DCDC2: variants seen among roughly 807,000 people sequenced by gnomAD.
DCDC2 encodes doublecortin domain containing 2, also known as doublecortin domain-containing protein 2.
A neutral mutation model predicts 50.2 loss-of-function variants in DCDC2; 40 were observed. The observed-to-expected ratio is 0.80, with a 90% CI of 0.62 to 1.04. The LOEUF (loss-of-function observed/expected upper bound fraction) is 1.04, where lower values mean the gene tolerates loss of function less well. Among genes scored for constraint, DCDC2 ranks in the 50% least tolerant of loss-of-function variants. The probability of loss-of-function intolerance (pLI) is 0.00; values close to 1 mark genes in which losing one functional copy is unlikely to be tolerated. For synonymous variants in DCDC2, 234 were observed against 210.6 expected, an observed-to-expected ratio of 1.11 and a Z score of -0.96; for missense variants, 570 against 581.9, an observed-to-expected ratio of 0.98 and a Z score of 0.21.
chr6:24,189,648 A>T (rs1178504773), intron 8 of DCDC2, among the ~76,000 whole-genome samples: 1 of 152,154 alleles, frequency 6.6e-6, no homozygotes, highest in Non-Finnish European at 1.5e-5. Context: ...AACAGCACAA[A>T]TTAGAATTTT....
At chr6:24,177,999 T>C (rs376372540) in intron 9 of DCDC2, among the ~76,000 whole-genome samples, 1 of 152,218 alleles carries the variant, frequency 6.6e-6, no homozygotes, top group African/African-American at 2.4e-5. Context: ...TTATTCTTAC[T>C]TTTTTATATT....
intron 8 of DCDC2, among the ~76,000 whole-genome samples, chr6:24,198,137 A>G (rs1430891480): frequency 1.3e-5 from 2 of 152,190 alleles, no homozygotes; most frequent in Non-Finnish European, 2.9e-5. Flanking sequence ...TTTATGAAAA[A>G]CAAATTCCAA....
At chr6:24,217,533 T>C (rs1255604273) in intron 7 of DCDC2, among the ~76,000 whole-genome samples, 6 of 152,178 alleles carry the variant, frequency 3.9e-5, no homozygotes, top group Admixed American at 2.6e-4. Context: ...GTTTACGGTG[T>C]AAATGTGCAA....
At position 24,172,335 on chromosome 6, in the gene DCDC2, G is replaced by A. The variant is rs1269613658; in HGVS notation, c.*2395C>T. On this transcript the variant is annotated 3_prime_UTR_variant, in exon 10 of 10. Transcript: ENST00000378454. ...CAAGTGGTAAAATATGCACACACAAGGGATGAATATGTCCCCATTTTTAAG... is the reference window on the plus strand; with the variant it reads ...CAAGTGGTAAAATATGCACACACAAAGGATGAATATGTCCCCATTTTTAAG... The A allele has an allele frequency of 6.6e-6, 1 of 152,180 alleles. No homozygotes were observed. The highest frequency in any genetic ancestry group is 1.5e-5 in the Non-Finnish European group (1 of 68,040). 9.4% of individuals were successfully genotyped at this position (152,180 alleles called of 1,614,324 possible). A position where few individuals can be genotyped will look rare whatever the true frequency, so the allele number is the denominator to read the frequency against.
intron 7 of DCDC2, among the ~76,000 whole-genome samples, chr6:24,257,405 C>T (rs911552951): frequency 6.6e-6 from 1 of 152,104 alleles, no homozygotes; most frequent in Non-Finnish European, 1.5e-5. Flanking sequence ...AAAGAGTTCA[C>T]GCACCAGTGG....
intron 7 of DCDC2, among the ~76,000 whole-genome samples, chr6:24,272,719 T>C (rs1405183645): frequency 6.6e-6 from 1 of 152,034 alleles, no homozygotes; most frequent in African/African-American, 2.4e-5. Flanking sequence ...AAACAACAGA[T>C]GTTAGCAAGG....
intron 8 of DCDC2, among the ~76,000 whole-genome samples, chr6:24,181,763 A>G (rs928560043): frequency 6.6e-6 from 1 of 152,226 alleles, no homozygotes; most frequent in Non-Finnish European, 1.5e-5. Context: ...ATCCAAAGTG[A>G]TCTACAGATT....
At chr6:24,183,391 G>T (rs985219663) in intron 8 of DCDC2, among the ~76,000 whole-genome samples, 1 of 152,226 alleles carries the variant, frequency 6.6e-6, no homozygotes, top group Non-Finnish European at 1.5e-5. Context: ...GAAGAGCAAG[G>T]ATTTCTAGGG....
intron 2 of DCDC2, among the ~76,000 whole-genome samples, chr6:24,330,710 C>A (rs559157476): frequency 6.6e-6 from 1 of 152,158 alleles, no homozygotes; most frequent in Non-Finnish European, 1.5e-5. Context: ...AAAGAGTGGG[C>A]AGCCATAGCA....
At chr6:24,209,482 G>A (rs972289119) in intron 7 of DCDC2, among the ~76,000 whole-genome samples, 3 of 152,142 alleles carry the variant, frequency 2.0e-5, no homozygotes, top group Non-Finnish European at 4.4e-5. Flanking sequence ...TGTCACTTGG[G>A]ATTTTCATAA....
intron 7 of DCDC2, among the ~76,000 whole-genome samples, chr6:24,235,566 GATAAA>G (rs1346341355): frequency 7.9e-5 from 12 of 152,178 alleles, no homozygotes; most frequent in Non-Finnish European, 1.0e-4. Context: ...CATCTCAATA[GATAAA>G]ATAAAAGCTT....
chr6:24,207,256 T>TTCTCTTTCTCTCTCTC (rs1554145068), intron 7 of DCDC2, among the ~76,000 whole-genome samples: 2 of 129,606 alleles, frequency 1.5e-5, no homozygotes, highest in East Asian at 2.3e-4. Context: ...CCATCTATCT[T>TTCTCTTTCTCTCTCTC]TCTCTCTCTC....
At chr6:24,202,031 T>C (rs764640025) in intron 8 of DCDC2, among the ~76,000 whole-genome samples, 5 of 151,872 alleles carry the variant, frequency 3.3e-5, no homozygotes, top group Non-Finnish European at 7.4e-5. Flanking sequence ...ACCAGGCAGA[T>C]TCACAGCTGA....
At chr6:24,271,865 C>T (rs1487223535) in intron 7 of DCDC2, among the ~76,000 whole-genome samples, 1 of 152,138 alleles carries the variant, frequency 6.6e-6, no homozygotes, top group Non-Finnish European at 1.5e-5. Context: ...ATGAAATCTT[C>T]CAAAGTTTTG....
chr6:24,381,861 GAAATA>G, the DCDC2 span, among the ~76,000 whole-genome samples: 1 of 22,602 alleles, frequency 4.4e-5, no homozygotes, highest in East Asian at 1.8e-3. Context: ...GAAGGAAGGA[GAAATA>G]AAAGAAAGAA....
At chr6:24,179,757 A>G (rs1156715752) in intron 8 of DCDC2, among the ~76,000 whole-genome samples, 2 of 150,006 alleles carry the variant, frequency 1.3e-5, no homozygotes, top group Non-Finnish European at 1.5e-5. Context: ...GATTGAGACC[A>G]TCCTGGCTAA....
At chr6:24,311,300 T>C (rs758170436) in intron 2 of DCDC2, among the ~76,000 whole-genome samples, 10 of 152,236 alleles carry the variant, frequency 6.6e-5, no homozygotes, top group Non-Finnish European at 1.2e-4. Context: ...TTTTATACAA[T>C]ACTTTTTATA....
chr6:24,344,696 A>T (rs1349900471), intron 2 of DCDC2, among the ~76,000 whole-genome samples: 1 of 152,238 alleles, frequency 6.6e-6, no homozygotes, highest in Non-Finnish European at 1.5e-5. Flanking sequence ...TCTTGTTCAA[A>T]CACACATACA....
At chr6:24,328,672 A>G (rs1249729000) in intron 2 of DCDC2, among the ~76,000 whole-genome samples, 2 of 152,176 alleles carry the variant, frequency 1.3e-5, no homozygotes, top group Non-Finnish European at 2.9e-5. Flanking sequence ...CCACTGAACT[A>G]CTGATTTTTC....
Sources: gnomAD v4.1 joint callset for allele counts (sites outside exome capture counted in the v4.1 genomes callset) on GRCh38, gnomAD v4.1.1 for gene constraint, MANE v1.5 for transcripts, NCBI Gene and HGNC (gene_info 2026-07-23, HGNC 2026-07-21) for gene names.